CTNNA3: variants seen among roughly 807,000 people sequenced by gnomAD.
CTNNA3 encodes the protein catenin alpha-3.
CTNNA3 carries 76 observed loss-of-function variants against 95.7 expected under a neutral mutation model. That is an observed-to-expected ratio of 0.79 (90% CI 0.66 to 0.96). The LOEUF (loss-of-function observed/expected upper bound fraction) is 0.96. Among genes scored for constraint, CTNNA3 ranks in the 40% least tolerant of loss-of-function variants. The pLI is 0.00. For missense variants in CTNNA3, 1,191 were observed against 1,089.8 expected, an observed-to-expected ratio of 1.09 and a Z score of -1.31; for synonymous variants, 431 against 374.4, an observed-to-expected ratio of 1.15 and a Z score of -1.74.
At chr10:67,432,514 T>C (rs1846142376) in intron 5 of CTNNA3, among the ~76,000 whole-genome samples, 2 of 152,048 alleles carry the variant, frequency 1.3e-5, no homozygotes, top group South Asian at 4.1e-4. Context: ...CAGCTCCTGG[T>C]GGTTCCAGGT....
intron 7 of CTNNA3, among the ~76,000 whole-genome samples, chr10:66,862,480 T>G (rs1257663530): frequency 6.6e-6 from 1 of 152,082 alleles, no homozygotes; most frequent in Non-Finnish European, 1.5e-5. Context: ...TACTCTAGAA[T>G]GATGGTCAAC....
intron 7 of CTNNA3, among the ~76,000 whole-genome samples, chr10:67,150,335 T>C (rs953525182): frequency 4.6e-5 from 7 of 152,192 alleles, no homozygotes; most frequent in Non-Finnish European, 1.0e-4. Flanking sequence ...TTAAGACATA[T>C]GCTGTATGTA....
Position 66,654,928 on chromosome 10 carries a change from A to T in CTNNA3, c.1282-33144T>A, listed in dbSNP as rs946090887. Among the ~76,000 whole-genome samples the T allele has an allele frequency of 3.3e-5, 5 of 152,052 alleles. No individual in the cohort carries two copies. The East Asian group carries it at 9.6e-4, about 29-fold the overall frequency. ...GAAGCAAAGAGTGGAACAGTGGTTAACATGGGCTGTGGGATGGGGTGGAGT... is the reference window on the plus strand; with the variant it reads ...GAAGCAAAGAGTGGAACAGTGGTTATCATGGGCTGTGGGATGGGGTGGAGT... On this transcript the variant is annotated intron_variant, in intron 9 of 17. Coordinates refer to ENST00000433211, the MANE Select transcript of CTNNA3 (RefSeq NM_013266.4).
rs564004112 is a variant in CTNNA3 at position 67,180,473 on chromosome 10, T to A, written c.891A>T (p.Arg297=). The A allele has an allele frequency of 6.2e-7, 1 of 1,613,876 alleles. No individual in the cohort carries two copies. The highest frequency in any genetic ancestry group is 1.3e-5 in the African/African-American group (1 of 75,008). ...CTTCAAGGCGTTTCTCTAGTGATGG[T>A]CGTATTTCCTCCTCAGTTACTGTGA... is the stretch of plus-strand genomic sequence containing the variant. The part of the protein sequence containing the change: ...NPLTVTEEEI[R]PSLEKRLEAI... Residue 297 remains arginine, a synonymous_variant, in exon 7 of 18, where the codon CGA becomes CGT. Transcript: ENST00000433211.
intron 5 of CTNNA3, among the ~76,000 whole-genome samples, chr10:67,370,738 TC>T (rs1475800417): frequency 1.3e-5 from 2 of 152,188 alleles, no homozygotes; most frequent in Admixed American, 1.3e-4. Context: ...TAAGGAGAAC[TC>T]TGTATTTGTG....
intron 9 of CTNNA3, among the ~76,000 whole-genome samples, chr10:66,677,437 T>C (rs925576243): frequency 6.6e-6 from 1 of 151,768 alleles, no homozygotes; most frequent in Non-Finnish European, 1.5e-5. Flanking sequence ...GATATAAAAA[T>C]ACTCCTTCAA....
intron 11 of CTNNA3, 102 bp from the exon 12 acceptor site, chr10:66,379,454 T>A: frequency 1.0e-6 from 1 of 961,888 alleles, no homozygotes; most frequent in Non-Finnish European, 1.6e-6. Context: ...TCAGATAGAG[T>A]GCACATTGGA....
rs185388802 is a variant in CTNNA3 at position 67,638,275 on chromosome 10, A to C, written c.99+9140T>G. Among the ~76,000 whole-genome samples, 44 of 152,354 alleles carry C rather than the reference A, an allele frequency of 2.9e-4. 1 individual carries two copies. In the East Asian group the frequency reaches 8.3e-3, roughly 29 times the overall value. Reference sequence around the variant, plus strand: ...ATCAAAACAGACAAAGAAGGCCATTACATAATGGTAAAGGGATCAATTCAA... The same window carrying C: ...ATCAAAACAGACAAAGAAGGCCATTCCATAATGGTAAAGGGATCAATTCAA... On this transcript the variant is annotated intron_variant, in intron 2 of 17. Transcript: ENST00000433211.
chr10:66,322,489 T>C (rs768515896), intron 12 of CTNNA3, among the ~76,000 whole-genome samples: 1 of 152,030 alleles, frequency 6.6e-6, no homozygotes, highest in East Asian at 1.9e-4. Context: ...GTGAGGCAGC[T>C]GGAATTTGTA....
At chr10:66,544,403 T>C (rs918234861) in intron 10 of CTNNA3, among the ~76,000 whole-genome samples, 3 of 152,138 alleles carry the variant, frequency 2.0e-5, no homozygotes, top group Non-Finnish European at 4.4e-5. Context: ...AAGCAAACTT[T>C]AAGTTGCTGA....
intron 15 of CTNNA3, among the ~76,000 whole-genome samples, chr10:66,004,950 G>T (rs2078850841): frequency 6.6e-6 from 1 of 152,166 alleles, no homozygotes; most frequent in Admixed American, 6.5e-5. Context: ...GAACTGGGAA[G>T]TCCAAAGTAA....
intron 7 of CTNNA3, among the ~76,000 whole-genome samples, chr10:66,903,171 T>A (rs899448830): frequency 3.9e-5 from 6 of 152,180 alleles, no homozygotes; most frequent in African/African-American, 1.4e-4. Flanking sequence ...TCAAAAAGCT[T>A]ATCCACCATG....
intron 10 of CTNNA3, among the ~76,000 whole-genome samples, chr10:66,581,466 T>C (rs565230149): frequency 1.3e-5 from 2 of 151,486 alleles, no homozygotes; most frequent in South Asian, 4.2e-4. Flanking sequence ...TAAGGTGGTA[T>C]ACATTGTGGT....
chr10:66,910,814 T>C (rs1239338870), intron 7 of CTNNA3, among the ~76,000 whole-genome samples: 2 of 152,176 alleles, frequency 1.3e-5, no homozygotes, highest in South Asian at 4.1e-4. Flanking sequence ...TTAACAAAAA[T>C]ATAAACAAAA....
chr10:66,770,601 T>G (rs1840049435), intron 8 of CTNNA3, among the ~76,000 whole-genome samples: 1 of 152,136 alleles, frequency 6.6e-6, no homozygotes, highest in African/African-American at 2.4e-5. Flanking sequence ...TTCCTACTGA[T>G]GTAAGTGGTT....
intron 9 of CTNNA3, 167 bp downstream of exon 9, chr10:66,766,097 G>A (rs2132784563): frequency 3.7e-6 from 2 of 535,348 alleles, no homozygotes; most frequent in Middle Eastern, 5.2e-4. Flanking sequence ...CCAATGTGGA[G>A]TGATCTATAC....
rs139536352 is a variant in CTNNA3 at position 67,157,348 on chromosome 10, C to G, written c.1047+22969G>C. On this transcript the variant is annotated intron_variant, in intron 7 of 17. Coordinates refer to ENST00000433211, the MANE Select transcript of CTNNA3 (RefSeq NM_013266.4). ...GCTCATGTGCAAACATGTGTAATTA[C>G]TGGTCTTGTGTCATCTAGACTACTT... Among the ~76,000 whole-genome samples the G allele has an allele frequency of 3.6e-3, 541 of 152,208 alleles. 4 individuals carry two copies. Among genetic ancestry groups the G allele is most frequent in the African/African-American group, 0.013 (522 of 41,524 alleles).
At chr10:67,195,977 A>T (rs891822700) in intron 6 of CTNNA3, among the ~76,000 whole-genome samples, 2 of 133,738 alleles carry the variant, frequency 1.5e-5, no homozygotes, top group African/African-American at 7.4e-5. Flanking sequence ...ATTATAATCA[A>T]GTACCAACAT....
intron 5 of CTNNA3, among the ~76,000 whole-genome samples, chr10:67,479,093 T>C (rs1163992145): frequency 6.6e-6 from 1 of 152,132 alleles, no homozygotes; most frequent in Non-Finnish European, 1.5e-5. Flanking sequence ...GTAGAGCACC[T>C]AGATTTATAG....
Sources: allele counts gnomAD v4.1 joint callset (sites outside exome capture counted in the v4.1 genomes callset), GRCh38; gene constraint gnomAD v4.1.1; transcripts MANE v1.5; gene names NCBI Gene and HGNC (gene_info 2026-07-23, HGNC 2026-07-21).